The following KIRREL1 variants were observed in gnomAD, a reference collection of about 807,000 sequenced individuals.
The protein encoded by KIRREL1 is kirre like nephrin family adhesion molecule 1, also known as kin of IRRE-like protein 1.
In KIRREL1, 25 loss-of-function variants were observed where a neutral mutation model predicts 83.3. The observed-to-expected ratio is 0.30, with a 90% CI of 0.22 to 0.42. The LOEUF is 0.42. Among genes scored for constraint, KIRREL1 ranks in the 10% least tolerant of loss-of-function variants. KIRREL1 has a pLI of 1.00. For missense variants in KIRREL1, 812 were observed against 1,032.3 expected (o/e 0.79, Z 2.92); for synonymous variants, 388 against 410.4 (o/e 0.95, Z 0.66).
chr1:158,014,417 C>T (rs185474848), intron 1 of KIRREL1, among the ~76,000 whole-genome samples: 9 of 152,106 alleles, frequency 5.9e-5, no homozygotes, highest in Non-Finnish European at 1.3e-4. Context: ...AAGTAACCGG[C>T]CGCAGGTTCC....
chr1:158,024,024 C>T (rs887526301), intron 1 of KIRREL1, among the ~76,000 whole-genome samples: 25 of 151,562 alleles, frequency 1.6e-4, no homozygotes, highest in Non-Finnish European at 2.1e-4. Context: ...CTCGGCTAAC[C>T]ACAACCTCTG....
chr1:158,047,439 A>T (rs932524792), intron 1 of KIRREL1, among the ~76,000 whole-genome samples: 6 of 152,194 alleles, frequency 3.9e-5, no homozygotes, highest in Admixed American at 3.3e-4. Flanking sequence ...TTGGCTGAGG[A>T]TATTCCACCT....
chr1:157,995,599 A>G (rs1315825118), intron 1 of KIRREL1, among the ~76,000 whole-genome samples: 1 of 152,164 alleles, frequency 6.6e-6, no homozygotes, highest in Non-Finnish European at 1.5e-5. Flanking sequence ...TGTCAGCATC[A>G]TGGATACAAA....
At chr1:158,057,846 C>T (rs1661106218) in intron 1 of KIRREL1, among the ~76,000 whole-genome samples, 1 of 152,220 alleles carries the variant, frequency 6.6e-6, no homozygotes, top group African/African-American at 2.4e-5. Context: ...TCTGCAGTGT[C>T]TTTGGACCTC....
chr1:158,013,432 T>A (rs898412531), intron 1 of KIRREL1, among the ~76,000 whole-genome samples: 3 of 151,506 alleles, frequency 2.0e-5, no homozygotes, highest in African/African-American at 7.2e-5. Flanking sequence ...CCCGAGCAGA[T>A]AAAAGCAGAC....
intron 1 of KIRREL1, among the ~76,000 whole-genome samples, chr1:158,008,484 G>T (rs1659582257): frequency 6.6e-6 from 1 of 152,144 alleles, no homozygotes; most frequent in African/African-American, 2.4e-5. Context: ...ATAGTCCCCA[G>T]TGAGGTTCAG....
chr1:158,063,622 G>A (rs1282885308), intron 1 of KIRREL1, among the ~76,000 whole-genome samples: 3 of 152,204 alleles, frequency 2.0e-5, no homozygotes, highest in Non-Finnish European at 4.4e-5. Flanking sequence ...TTCCAGGAGA[G>A]CTGTGCTCAA....
intron 1 of KIRREL1, among the ~76,000 whole-genome samples, chr1:158,056,722 A>T (rs553182265): frequency 6.6e-6 from 1 of 152,352 alleles, no homozygotes; most frequent in Admixed American, 6.5e-5. Context: ...TATGATTTCT[A>T]AAGTGTTAAT....
At chr1:158,075,646 C>T (rs566141557) in intron 1 of KIRREL1, among the ~76,000 whole-genome samples, 54 of 152,300 alleles carry the variant, frequency 3.5e-4, no homozygotes, top group African/African-American at 1.2e-3. Context: ...TCACATGACA[C>T]GCGTCTAAGT....
chr1:158,018,321 T>C (rs922375401), intron 1 of KIRREL1, among the ~76,000 whole-genome samples: 4 of 151,996 alleles, frequency 2.6e-5, no homozygotes, highest in African/African-American at 9.7e-5. Context: ...AGAAAGGGAA[T>C]GAAGCAGGGA....
chr1:158,032,100 AAAAC>A (rs1026190930), intron 1 of KIRREL1, among the ~76,000 whole-genome samples: 10 of 151,590 alleles, frequency 6.6e-5, no homozygotes, highest in African/African-American at 1.9e-4. Flanking sequence ...AAAGAAAAGA[AAAAC>A]AAACAAACAA....
intron 1 of KIRREL1, among the ~76,000 whole-genome samples, chr1:158,069,307 TGTGTG>T (rs1661443094): frequency 2.8e-5 from 1 of 35,150 alleles, no homozygotes; most frequent in African/African-American, 9.6e-5. Flanking sequence ...CGTACTTGTG[TGTGTG>T]TGTGTGTGTG....
chr1:158,046,555 G>A (rs1019370024), intron 1 of KIRREL1, among the ~76,000 whole-genome samples: 3 of 152,038 alleles, frequency 2.0e-5, no homozygotes, highest in African/African-American at 7.2e-5. Context: ...TTTAACAAGG[G>A]AGCGAACCAA....
Position 158,094,234 on chromosome 1 carries a change from TGAGCGTGGGG to T in KIRREL1, c.1720-78_1720-69del. The T allele has an allele frequency of 7.9e-7, 1 of 1,258,872 alleles. No homozygotes were observed. Among genetic ancestry groups the T allele is most frequent in the Non-Finnish European group, 1.1e-6 (1 of 879,136 alleles). The allele number at this position is 1,258,872 out of a possible 1,614,324, so 78.0% of individuals were successfully genotyped here. On this transcript the variant is annotated intron_variant, in intron 13 of 14. Coordinates refer to ENST00000359209, the MANE Select transcript of KIRREL1 (RefSeq NM_018240.7). This position sits in a 1 kb window ranked among gnomAD's most constrained non-coding sequence, Gnocchi z 4.6. ...ACCCCACCCATGAGCAGGTGGCCTC[TGAGCGTGGGG>T]AGGGGTTGGTGAGGGGCGAAAAGAG...
Position 158,089,828 on chromosome 1 carries a change from G to A in KIRREL1, c.1272+10G>A, listed in dbSNP as rs374977006. ...ACCCCCAGACCGCATAGTGAGTGGC[G>A]GACCTGCCTGCGGACAGCCAGCCCT... On this transcript the variant is annotated intron_variant, in intron 10 of 14. Transcript: ENST00000359209. 7.5e-5 allele frequency: 121 copies of A among 1,610,694 alleles called. No homozygotes were observed. The highest frequency in any genetic ancestry group is 1.6e-4 in the East Asian group (7 of 44,860).
intron 1 of KIRREL1, among the ~76,000 whole-genome samples, chr1:158,075,267 C>T (rs955773380): frequency 6.6e-6 from 1 of 152,230 alleles, no homozygotes; most frequent in African/African-American, 2.4e-5. Flanking sequence ...GTTCTCTAAT[C>T]AAATGCTCCC....
Position 158,094,579 on chromosome 1 carries a change from T to C in KIRREL1, c.1798-65T>C. ...CTGGAGGAAGAGGCCCAGAAAGCCATGGTGAGACTTGATCCCCACCCAAGA... is the reference window on the plus strand; with the variant it reads ...CTGGAGGAAGAGGCCCAGAAAGCCACGGTGAGACTTGATCCCCACCCAAGA... On this transcript the variant is annotated intron_variant, in intron 14 of 14. Coordinates refer to ENST00000359209, the MANE Select transcript of KIRREL1 (RefSeq NM_018240.7). The surrounding 1 kb of genome is among the most constrained non-coding windows in gnomAD (Gnocchi z 4.6). 3 of 1,380,722 alleles carry C rather than the reference T, an allele frequency of 2.2e-6. No individual in the cohort carries two copies. Among genetic ancestry groups the C allele is most frequent in the East Asian group, 2.3e-5 (1 of 43,592 alleles). 85.5% of individuals were successfully genotyped at this position (1,380,722 alleles called of 1,614,324 possible).
chr1:158,050,762 C>T (rs1347516052), intron 1 of KIRREL1, among the ~76,000 whole-genome samples: 2 of 152,086 alleles, frequency 1.3e-5, no homozygotes, highest in East Asian at 3.9e-4. Context: ...AGGAGATTCA[C>T]TTCATCTCTC....
rs943683472 is a variant in KIRREL1, at chr1:158,063,859, G to A, written c.53-12254G>A. 6.6e-5 allele frequency among the ~76,000 whole-genome samples: 10 copies of A among 152,280 alleles called. No individual in the cohort carries two copies. In the South Asian group the frequency reaches 8.3e-4, roughly 13 times the overall value. On this transcript the variant is annotated intron_variant, in intron 1 of 14. Transcript: ENST00000359209. ...TCCTCCATGTTGCCCCATCATGGCC[G>A]CTGTCGCACTGTATGGACTTGGTGC...
Sources: allele counts gnomAD v4.1 joint callset (sites outside exome capture counted in the v4.1 genomes callset), GRCh38; gene constraint gnomAD v4.1.1; non-coding constraint Gnocchi (gnomAD v3.1); transcripts MANE v1.5; gene names NCBI Gene and HGNC (gene_info 2026-07-23, HGNC 2026-07-21).